Variants in TTC13 observed in about 807,000 individuals in gnomAD.
TTC13 encodes the protein tetratricopeptide repeat protein 13.
In TTC13, 62 loss-of-function variants were observed where a neutral mutation model predicts 120.0. The ratio of observed to expected loss-of-function variants is 0.52; its 90% CI spans 0.42 to 0.64. The LOEUF is 0.64. Among genes scored for constraint, TTC13 ranks in the 30% least tolerant of loss-of-function variants. TTC13 has a pLI of 0.00. For missense variants in TTC13, 824 were observed against 1,050.2 expected (o/e 0.78, Z 2.98); for synonymous variants, 384 against 393.5 (o/e 0.98, Z 0.28).
At chr1:230,930,112 A>T (rs1673405882) in intron 11 of TTC13, among the ~76,000 whole-genome samples, 1 of 152,258 alleles carries the variant, frequency 6.6e-6, no homozygotes, top group African/African-American at 2.4e-5. Context: ...TATAAATATT[A>T]TAAATTCTAA....
intron 6 of TTC13, among the ~76,000 whole-genome samples, chr1:230,941,542 ATCC>A (rs1444040675): frequency 2.0e-5 from 3 of 152,288 alleles, no homozygotes; most frequent in African/African-American, 7.2e-5. Flanking sequence ...GCCTTGAGCA[ATCC>A]TCCTGTGTTG....
intron 1 of TTC13, among the ~76,000 whole-genome samples, chr1:230,976,182 A>C (rs1678285927): frequency 6.6e-6 from 1 of 152,162 alleles, no homozygotes; most frequent in Non-Finnish European, 1.5e-5. Flanking sequence ...TGGCATGATC[A>C]ATGCTTAGTA....
At chr1:230,919,240 G>A (rs1314968931) in intron 17 of TTC13, among the ~76,000 whole-genome samples, 1 of 151,494 alleles carries the variant, frequency 6.6e-6, no homozygotes, top group Non-Finnish European at 1.5e-5. Flanking sequence ...CCCAGTGTAG[G>A]CAAGAGAGCA....
chr1:230,926,529 A>G (rs6666113), intron 12 of TTC13, among the ~76,000 whole-genome samples: 9,744 of 152,206 alleles, frequency 0.064, 635 homozygotes, highest in African/African-American at 0.17. Context: ...CACACAGTTT[A>G]GGCACAGGGA....
At chr1:230,926,558 G>A (rs977399008) in intron 12 of TTC13, among the ~76,000 whole-genome samples, 1 of 152,068 alleles carries the variant, frequency 6.6e-6, no homozygotes, top group African/African-American at 2.4e-5. Flanking sequence ...TATTAGTTTT[G>A]GGAGTGGTAG....
At position 230,931,820 on chromosome 1, in the gene TTC13, G is replaced by A. The variant is rs1053674562; in HGVS notation, c.1041C>T (p.Asn347=). 6 of 1,614,144 alleles carry A rather than the reference G, an allele frequency of 3.7e-6. No individual in the cohort carries two copies. Among genetic ancestry groups the A allele is most frequent in the Non-Finnish European group, 4.2e-6 (5 of 1,180,016 alleles). ...TESFQKALLL[N]QNHVQTLQLR... is the part of the protein sequence containing the mutation. ...GCTGGAGGGTTTGCACATGATTTTG[G>A]TTGAGCAACAGTGCCTTTTGAAAGC... Residue 347 remains asparagine, a synonymous_variant, in exon 10 of 23, where the codon AAC becomes AAT. Transcript: ENST00000366661.
At chr1:230,954,291 T>C (rs1675853088) in intron 4 of TTC13, 42 bp downstream of exon 4, 5 of 1,442,472 alleles carry the variant, frequency 3.5e-6, no homozygotes, top group Non-Finnish European at 4.8e-6. Context: ...ATTTTTGTCA[T>C]GACCATAAAC....
rs759288304 is a variant in TTC13, at chr1:230,925,570, G to A, written c.1535C>T (p.Ser512Phe). Residue 512 changes from serine to phenylalanine, a missense_variant, in exon 13 of 23, where the codon TCC becomes TTC. Physicochemically the swap from Ser to Phe is radical, Grantham distance 155. Around this residue, in one of 4 missense-constraint regions of TTC13, gnomAD observed 430 missense variants for 626.8 expected, o/e 0.69. Transcript: ENST00000366661. ...ACCAGGTGTTTCATATTGCATCAGG[G>A]ATCCCAAACGATCAGCCACACAAAT... ...ELICVADRLG[S>F]LMQYETPGFL... is the part of the protein sequence containing the mutation. 4.3e-6 allele frequency: 7 copies of A among 1,613,910 alleles called. No homozygotes were observed. In the South Asian group the frequency reaches 7.7e-5, roughly 18 times the overall value.
intron 3 of TTC13, chr1:230,956,408 C>A (rs1030962779): frequency 3.9e-4 from 82 of 211,692 alleles, no homozygotes; most frequent in African/African-American, 1.9e-3. Flanking sequence ...CGGATTCTGG[C>A]TCTGCCACTC....
At chr1:230,963,655 TAAATA>T (rs1363551889) in intron 1 of TTC13, among the ~76,000 whole-genome samples, 9 of 149,654 alleles carry the variant, frequency 6.0e-5, no homozygotes, top group Non-Finnish European at 1.3e-4. Context: ...AATAAATAAA[TAAATA>T]AATAAATAAA....
In TTC13 at chr1:230,934,058, A is replaced by G. The variant is rs2102850655; in HGVS notation, c.901-197T>C. Among the ~76,000 whole-genome samples the G allele has an allele frequency of 2.0e-5, 3 of 152,340 alleles. No homozygotes were observed. In the South Asian group the frequency reaches 6.2e-4, roughly 32 times the overall value. On this transcript the variant is annotated intron_variant, in intron 8 of 22. Transcript: ENST00000366661. ...AATTTCAGTAAACAAATGCATTACT[A>G]TGAAAAATATGAGCCTTAAATTTCT... is the stretch of plus-strand genomic sequence containing the variant.
At chr1:230,912,830 TA>T in intron 18 of TTC13, 72 bp from the exon 19 acceptor site, 2 of 1,432,280 alleles carry the variant, frequency 1.4e-6, no homozygotes, top group Non-Finnish European at 9.5e-7. Context: ...AAGTTTTTTT[TA>T]AAAAGCAAAT....
intron 12 of TTC13, among the ~76,000 whole-genome samples, chr1:230,928,409 A>C (rs565930534): frequency 7.7e-4 from 118 of 152,326 alleles, no homozygotes; most frequent in African/African-American, 2.6e-3. Flanking sequence ...TATATATAGA[A>C]ATGTAACTGA....
chr1:230,921,505 CT>C lies in TTC13; in HGVS notation c.1815-2del. On this transcript the variant is annotated splice_acceptor_variant, in intron 15 of 22. Coordinates refer to ENST00000366661, the MANE Select transcript of TTC13 (RefSeq NM_024525.5). LOFTEE classifies it high-confidence loss of function. ...GTATCTCATGTTGATCACCTGACCCCTATAAGGCAAAAATAATAAAATTAAG... is the reference window on the plus strand; with the variant it reads ...GTATCTCATGTTGATCACCTGACCCCATAAGGCAAAAATAATAAAATTAAG... 6.9e-7 allele frequency: 1 copy of C among 1,445,312 alleles called. No homozygotes were observed. The highest frequency in any genetic ancestry group is 9.4e-7 in the Non-Finnish European group (1 of 1,064,364). The allele number at this position is 1,445,312 out of a possible 1,614,324, so 89.5% of individuals were successfully genotyped here.
chr1:230,951,201 A>G (rs1406949429), intron 4 of TTC13, among the ~76,000 whole-genome samples: 1 of 152,238 alleles, frequency 6.6e-6, no homozygotes, highest in Non-Finnish European at 1.5e-5. Context: ...TCAAAAAGTC[A>G]TTCTGGAGTT....
chr1:230,910,935 A>G (rs1227612485), intron 20 of TTC13, among the ~76,000 whole-genome samples: 1 of 151,404 alleles, frequency 6.6e-6, no homozygotes, highest in South Asian at 2.1e-4. Context: ...TTTACTGCAC[A>G]CAGTGCTGGG....
chr1:230,922,585 T>C (rs1460991614), intron 15 of TTC13, among the ~76,000 whole-genome samples: 4 of 152,218 alleles, frequency 2.6e-5, no homozygotes, highest in African/African-American at 7.2e-5. Context: ...ACTCCCTTAA[T>C]TGCAAACTCA....
In TTC13 at chr1:230,949,122, C is replaced by T. The variant is rs867656950; in HGVS notation, c.514-3668G>A. Among the ~76,000 whole-genome samples the T allele has an allele frequency of 1.2e-4, 19 of 152,094 alleles. No homozygotes were observed. In the South Asian group the frequency reaches 3.3e-3, roughly 27 times the overall value. ...GCTAGGAATACCATGCAAAGTCATG[C>T]TATTCTTGCCACATACTAGGAATAG... On this transcript the variant is annotated intron_variant, in intron 4 of 22. Transcript: ENST00000366661.
Position 230,978,619 on chromosome 1 carries a change from C to T in TTC13, c.212G>A (p.Gly71Asp). Reference protein sequence around the residue: ...HRQQQEAPAGGGGCSPQSGDW... With the variant: ...HRQQQEAPAGDGGCSPQSGDW... ...CCCGGACTGCGGGCTGCAGCCGCCG[C>T]CGCCCGCCGGGGCCTCCTGCTGCTG... Residue 71 changes from glycine to aspartate, a missense_variant, in exon 1 of 23, where the codon GGC (glycine) becomes GAC (aspartate). Physicochemically the swap from Gly to Asp is moderately conservative, Grantham distance 94 (BLOSUM62 -1). Transcript: ENST00000366661. The surrounding 1 kb of genome is among the most constrained non-coding windows in gnomAD (Gnocchi z 5.6). 4 of 1,462,322 alleles carry T rather than the reference C, an allele frequency of 2.7e-6. No individual in the cohort carries two copies. The highest frequency in any genetic ancestry group is 3.6e-6 in the Non-Finnish European group (4 of 1,111,782). 90.6% of individuals were successfully genotyped at this position (1,462,322 alleles called of 1,614,324 possible). A position where few individuals can be genotyped will look rare whatever the true frequency, so the allele number is the denominator to read the frequency against.
Sources: gnomAD v4.1 joint callset for allele counts (sites outside exome capture counted in the v4.1 genomes callset) on GRCh38, gnomAD v4.1.1 for gene constraint, gnomAD v4.1.1 regional missense constraint, Gnocchi (gnomAD v3.1) non-coding constraint, MANE v1.5 for transcripts, NCBI Gene and HGNC (gene_info 2026-07-23, HGNC 2026-07-21) for gene names.